Variants in ALG14 observed in about 807,000 individuals in gnomAD.
ALG14 encodes UDP-N-acetylglucosamine transferase subunit ALG14.
A neutral mutation model predicts 22.8 loss-of-function variants in ALG14; 17 were observed. The ratio of observed to expected loss-of-function variants is 0.75; its 90% CI spans 0.51 to 1.12. The LOEUF (loss-of-function observed/expected upper bound fraction) is 1.12. ALG14 is among the 50% of genes most tolerant of loss of function. ALG14 has a pLI of 0.00. For synonymous variants in ALG14, 89 were observed against 103.7 expected (o/e 0.86, Z 0.86); for missense variants, 288 against 271.8 (o/e 1.06, Z -0.42).
At chr1:95,012,711 A>C (rs753655852) in intron 3 of ALG14, among the ~76,000 whole-genome samples, 3 of 152,192 alleles carry the variant, frequency 2.0e-5, no homozygotes. Flanking sequence ...CTAGTATGTC[A>C]TGTTAGAATC....
At chr1:95,047,852 T>C (rs567388077) in intron 2 of ALG14, among the ~76,000 whole-genome samples, 54 of 152,204 alleles carry the variant, frequency 3.5e-4, no homozygotes, top group African/African-American at 1.3e-3. Flanking sequence ...GGTGCATTCC[T>C]ATAGTTCTAG....
chr1:95,003,399 TTAA>T (rs1673118828), intron 3 of ALG14, among the ~76,000 whole-genome samples: 1 of 151,950 alleles, frequency 6.6e-6, no homozygotes, highest in Admixed American at 6.6e-5. Context: ...GTTGTGGACT[TTAA>T]AAGTTCAAGA....
intron 3 of ALG14, among the ~76,000 whole-genome samples, chr1:95,014,389 T>A (rs1673446871): frequency 1.3e-5 from 2 of 152,200 alleles, no homozygotes; most frequent in South Asian, 2.1e-4. Flanking sequence ...AAATAGGGCC[T>A]GTGATTTAAA....
chr1:95,053,075 T>G (rs1460425610), intron 2 of ALG14, among the ~76,000 whole-genome samples: 1 of 152,132 alleles, frequency 6.6e-6, no homozygotes, highest in Non-Finnish European at 1.5e-5. Context: ...CAAATGTATA[T>G]GTACCAAACA....
At chr1:95,052,670 C>A (rs1438341228) in intron 2 of ALG14, among the ~76,000 whole-genome samples, 1 of 151,924 alleles carries the variant, frequency 6.6e-6, no homozygotes, top group Non-Finnish European at 1.5e-5. Context: ...CCAGCCTGGG[C>A]AACATGTTGA....
At chr1:95,049,743 C>A (rs540632693) in intron 2 of ALG14, among the ~76,000 whole-genome samples, 1 of 151,728 alleles carries the variant, frequency 6.6e-6, no homozygotes, top group Non-Finnish European at 1.5e-5. Flanking sequence ...TGGTGGTGCA[C>A]GTCTATAGTC....
intron 3 of ALG14, among the ~76,000 whole-genome samples, chr1:94,987,161 C>A (rs989645847): frequency 4.6e-5 from 7 of 152,152 alleles, no homozygotes; most frequent in Non-Finnish European, 1.0e-4. Flanking sequence ...TGAAGACAGG[C>A]CAGGTCCCAA....
chr1:95,066,241 C>A (rs1468590754), intron 1 of ALG14, among the ~76,000 whole-genome samples: 1 of 152,126 alleles, frequency 6.6e-6, no homozygotes, highest in African/African-American at 2.4e-5. Flanking sequence ...CACCTCCCCC[C>A]AGGTGGAGTT....
At position 95,059,594 on chromosome 1, in the gene ALG14, G is replaced by A. The variant is rs75986520; in HGVS notation, c.288+5272C>T. 5.1e-3 allele frequency among the ~76,000 whole-genome samples: 767 copies of A among 151,530 alleles called. 9 individuals are homozygous for A. The highest frequency in any genetic ancestry group is 0.017 in the African/African-American group (703 of 41,358). On this transcript the variant is annotated intron_variant, in intron 2 of 3. Coordinates refer to ENST00000370205, the MANE Select transcript of ALG14 (RefSeq NM_144988.4). ...GGGAGGGGCCCTTTGTTTTGAATCC[G>A]TTAATTATCTTCACAATATCTAATC...
intron 1 of ALG14, among the ~76,000 whole-genome samples, chr1:95,070,263 T>C (rs530128494): frequency 6.6e-6 from 1 of 152,344 alleles, no homozygotes; most frequent in African/African-American, 2.4e-5. Flanking sequence ...TGGCTGTCCA[T>C]ACTTTGCTGA....
chr1:95,044,942 T>C (rs1674498694), intron 2 of ALG14, among the ~76,000 whole-genome samples: 1 of 152,190 alleles, frequency 6.6e-6, no homozygotes, highest in African/African-American at 2.4e-5. Flanking sequence ...ACTGAAAATC[T>C]TTGTTAAGTT....
chr1:95,071,157 G>A (rs1351161598), intron 1 of ALG14, among the ~76,000 whole-genome samples: 1 of 152,218 alleles, frequency 6.6e-6, no homozygotes, highest in African/African-American at 2.4e-5. Context: ...GTAAGTGGCA[G>A]AAATGTGATT....
chr1:94,984,421 G>A (rs1179182822), intron 3 of ALG14, among the ~76,000 whole-genome samples: 2 of 152,176 alleles, frequency 1.3e-5, no homozygotes, highest in African/African-American at 2.4e-5. Flanking sequence ...ATGTGAACAT[G>A]GTCAGGGCTG....
rs942037745 is a variant in ALG14 at position 94,978,726 on chromosome 1, A to G, written c.*4350T>C. 8 of 152,200 alleles carry G rather than the reference A, an allele frequency of 5.3e-5. No homozygotes were observed. The highest frequency in any genetic ancestry group is 1.9e-4 in the African/African-American group (8 of 41,520). The allele number at this position is 152,200 out of a possible 1,614,324, so 9.4% of individuals were successfully genotyped here. On this transcript the variant is annotated 3_prime_UTR_variant, in exon 4 of 4. Transcript: ENST00000370205. The stretch of plus-strand genomic sequence containing the variant: ...TCCTTTGGAACTCAGGTAAAATACC[A>G]CTTTCTTAGAAAGGCCTTTCCTGAT...
chr1:95,012,511 G>C (rs1015201020), intron 3 of ALG14, among the ~76,000 whole-genome samples: 1 of 152,232 alleles, frequency 6.6e-6, no homozygotes, highest in Non-Finnish European at 1.5e-5. Context: ...TGCTCATTAA[G>C]TAATAACTCA....
At chr1:95,017,820 C>T (rs1050917314) in intron 3 of ALG14, among the ~76,000 whole-genome samples, 1 of 152,132 alleles carries the variant, frequency 6.6e-6, no homozygotes, top group African/African-American at 2.4e-5. Flanking sequence ...TTGAGATCTA[C>T]AATATCTAAA....
intron 2 of ALG14, among the ~76,000 whole-genome samples, chr1:95,036,504 G>A (rs1353474420): frequency 7.5e-6 from 1 of 134,140 alleles, no homozygotes; most frequent in Non-Finnish European, 1.5e-5. Context: ...TCGGCTCACT[G>A]CAACCTCCAC....
At chr1:94,999,570 C>A (rs971857390) in intron 3 of ALG14, among the ~76,000 whole-genome samples, 2 of 152,050 alleles carry the variant, frequency 1.3e-5, no homozygotes, top group African/African-American at 4.8e-5. Context: ...TCTGTGTTAT[C>A]CCATTCCTTG....
intron 2 of ALG14, chr1:95,062,137 T>C (rs1375659394): frequency 6.6e-6 from 1 of 152,186 alleles, no homozygotes; most frequent in African/African-American, 2.4e-5. Context: ...AACACATTGA[T>C]AGAGAGCTTT....
Sources: gnomAD v4.1 joint callset for allele counts (sites outside exome capture counted in the v4.1 genomes callset) on GRCh38, gnomAD v4.1.1 for gene constraint, MANE v1.5 for transcripts, NCBI Gene and HGNC (gene_info 2026-07-23, HGNC 2026-07-21) for gene names.